Variants in CKAP4 observed in about 807,000 individuals in gnomAD.
CKAP4 encodes the protein cytoskeleton associated protein 4, also known as cytoskeleton-associated protein 4.
In CKAP4, 20 loss-of-function variants were observed where a neutral mutation model predicts 24.4. The observed-to-expected ratio is 0.82, with a 90% CI of 0.58 to 1.19. The LOEUF (loss-of-function observed/expected upper bound fraction) is 1.19. Among genes scored for constraint, CKAP4 ranks in the 50% most tolerant of loss-of-function variants. The pLI is 0.00. For synonymous variants in CKAP4, 378 were observed against 351.7 expected, an observed-to-expected ratio of 1.07 and a Z score of -0.84; for missense variants, 744 against 765.3, an observed-to-expected ratio of 0.97 and a Z score of 0.33.
intron 1 of CKAP4, among the ~76,000 whole-genome samples, chr12:106,241,363 C>T (rs1157609968): frequency 3.6e-5 from 5 of 139,116 alleles, no homozygotes; most frequent in Middle Eastern, 3.7e-3. Flanking sequence ...GACGGAGTCT[C>T]GCTCTGTCGC....
chr12:106,241,331 CTTTT>C (rs34135868), intron 1 of CKAP4, among the ~76,000 whole-genome samples: 1 of 127,518 alleles, frequency 7.8e-6, no homozygotes, highest in African/African-American at 3.0e-5. Context: ...GCCAGGGATT[CTTTT>C]TTTTTTTTTT....
In CKAP4 at chr12:106,247,104, G is replaced by A. The variant is rs2034018604; in HGVS notation, c.483+265C>T. The A allele has an allele frequency of 4.8e-6, 2 of 415,586 alleles. No homozygotes were observed. Among genetic ancestry groups the A allele is most frequent in the South Asian group, 3.8e-5 (1 of 26,066 alleles). The allele number at this position is 415,586 out of a possible 1,614,324, so 25.7% of individuals were successfully genotyped here. ...AGGCCCTTGGCCCACCCTGCCAGGC[G>A]GGCCTGGGCATCCTCGCGGCGGCCC... On this transcript the variant is annotated intron_variant, in intron 1 of 1. Coordinates refer to ENST00000378026, the MANE Select transcript of CKAP4 (RefSeq NM_006825.4). This position sits in a 1 kb window ranked among gnomAD's most constrained non-coding sequence, Gnocchi z 4.5.
chr12:106,240,402 T>C lies in CKAP4; in HGVS notation c.484-53A>G, dbSNP rs934550160. 3.9e-6 allele frequency: 6 copies of C among 1,545,700 alleles called. No homozygotes were observed. In the Admixed American group the frequency reaches 8.2e-5, roughly 21 times the overall value. On this transcript the variant is annotated intron_variant, in intron 1 of 1. Transcript: ENST00000378026. ...CTGAGAAGAGCTGATGAGTTTCACA[T>C]GATACAACTTTTTTTGTCTGCCCAG... is the stretch of plus-strand genomic sequence containing the variant.
chr12:106,244,349 A>C (rs2033990466), intron 1 of CKAP4, among the ~76,000 whole-genome samples: 1 of 152,248 alleles, frequency 6.6e-6, no homozygotes, highest in South Asian at 2.1e-4. Context: ...AGGGCTGATA[A>C]TAGTACTTAC....
chr12:106,238,564 T>C lies in CKAP4; in HGVS notation c.*460A>G, dbSNP rs1285766507. On this transcript the variant is annotated 3_prime_UTR_variant, in exon 2 of 2. Coordinates refer to ENST00000378026, the MANE Select transcript of CKAP4 (RefSeq NM_006825.4). The stretch of plus-strand genomic sequence containing the variant: ...TAACCGGTTCAAAGTGGAAGACAAG[T>C]GAGAGATATCTCATAAAAATTTCGG... The C allele has an allele frequency of 6.3e-6, 1 of 159,304 alleles. No homozygotes were observed. Among genetic ancestry groups the C allele is most frequent in the Non-Finnish European group, 1.4e-5 (1 of 72,762 alleles). The allele number at this position is 159,304 out of a possible 1,614,324, so 9.9% of individuals were successfully genotyped here. A position where few individuals can be genotyped will look rare whatever the true frequency, so the allele number is the denominator to read the frequency against.
At position 106,238,364 on chromosome 12, in the gene CKAP4, T is replaced by G. The variant is rs1191900722; in HGVS notation, c.*660A>C. The G allele has an allele frequency of 6.5e-6, 1 of 152,836 alleles. No individual in the cohort carries two copies. Among genetic ancestry groups the G allele is most frequent in the African/African-American group, 2.4e-5 (1 of 41,424 alleles). 9.5% of individuals were successfully genotyped at this position (152,836 alleles called of 1,614,324 possible). A position where few individuals can be genotyped will look rare whatever the true frequency, so the allele number is the denominator to read the frequency against. ...CCGGGACTCTGCTGGGTGTAGTGCT[T>G]CACATTCAGAACCGCCTGGATGCTT... is the stretch of plus-strand genomic sequence containing the variant. On this transcript the variant is annotated 3_prime_UTR_variant, in exon 2 of 2. Transcript: ENST00000378026.
intron 1 of CKAP4, among the ~76,000 whole-genome samples, chr12:106,244,425 C>T (rs928058022): frequency 8.5e-5 from 13 of 152,172 alleles, no homozygotes; most frequent in South Asian, 2.1e-4. Flanking sequence ...GTGCCTGGCA[C>T]GTAATAAGTG....
chr12:106,246,214 G>A (rs2034008882), intron 1 of CKAP4, among the ~76,000 whole-genome samples: 1 of 152,312 alleles, frequency 6.6e-6, no homozygotes, highest in South Asian at 2.1e-4. Flanking sequence ...CAGTGGCCTA[G>A]ACATTCTCGT....
Position 106,239,344 on chromosome 12 carries a change from G to A in CKAP4, c.1489C>T (p.Pro497Ser), listed in dbSNP as rs2136533546. 6.2e-7 allele frequency: 1 copy of A among 1,606,522 alleles called. No homozygotes were observed. The highest frequency in any genetic ancestry group is 1.1e-5 in the South Asian group (1 of 91,066). ...TTCTGGAGTGATTCCACGGTGCTGGGGAGCTCGCCCACACTCCTCTTCAGC... is the reference window on the plus strand; with the variant it reads ...TTCTGGAGTGATTCCACGGTGCTGGAGAGCTCGCCCACACTCCTCTTCAGC... ...EELKRSVGELPSTVESLQKVQ... is the reference protein window; with the variant it reads ...EELKRSVGELSSTVESLQKVQ... The change falls in exon 2 of 2, where the codon CCC becomes TCC. Residue 497 changes from proline to serine, a missense_variant. By Grantham distance (74) the Pro-to-Ser change is moderately conservative (BLOSUM62 -1). This residue lies in a region of CKAP4 where 401 missense variants were observed against 424.5 expected (regional missense o/e 0.94). Transcript: ENST00000378026. This position sits in a 1 kb window ranked among gnomAD's most constrained non-coding sequence, Gnocchi z 4.9.
At chr12:106,245,206 C>T (rs2033997552) in intron 1 of CKAP4, among the ~76,000 whole-genome samples, 1 of 152,070 alleles carries the variant, frequency 6.6e-6, no homozygotes, top group Non-Finnish European at 1.5e-5. Context: ...AGATGGCTGG[C>T]ACTACCCTGG....
rs780316212 is a variant in CKAP4 at position 106,247,690 on chromosome 12, G to A, written c.162C>T (p.His54=). ...PPPPAPHPQQ[H]PQQHPQNQAH... is the part of the protein sequence containing the mutation. Reference sequence around the variant, plus strand: ...CCTGGTTCTGCGGGTGCTGCTGCGGGTGCTGCTGCGGGTGCGGCGCGGGCG... The same window carrying A: ...CCTGGTTCTGCGGGTGCTGCTGCGGATGCTGCTGCGGGTGCGGCGCGGGCG... The change falls in exon 1 of 2, where the codon CAC becomes CAT. Residue 54 remains histidine (H), a synonymous_variant. Coordinates refer to ENST00000378026, the MANE Select transcript of CKAP4 (RefSeq NM_006825.4). This position sits in a 1 kb window ranked among gnomAD's most constrained non-coding sequence, Gnocchi z 4.5. The A allele has an allele frequency of 2.8e-6, 3 of 1,062,118 alleles. 1 individual carries two copies. Among genetic ancestry groups the A allele is most frequent in the South Asian group, 7.2e-5 (2 of 27,666 alleles). 65.8% of individuals were successfully genotyped at this position (1,062,118 alleles called of 1,614,324 possible).
At position 106,240,050 on chromosome 12, in the gene CKAP4, C is replaced by T. The variant is rs776989409; in HGVS notation, c.783G>A (p.Arg261=). Residue 261 remains arginine, a synonymous_variant, in exon 2 of 2, where the codon AGG becomes AGA. Coordinates refer to ENST00000378026, the MANE Select transcript of CKAP4 (RefSeq NM_006825.4). ...TCATGTCATTGATCTCCTTCTGGCT[C>T]CTCTTCTGGACTTCTGTGAAGATGG... ...NIAIFTEVQK[R]SQKEINDMKA... 3.1e-6 allele frequency: 5 copies of T among 1,614,184 alleles called. No homozygotes were observed. Among genetic ancestry groups the T allele is most frequent in the Non-Finnish European group, 4.2e-6 (5 of 1,180,042 alleles).
Position 106,239,611 on chromosome 12 carries a change from CCT to C in CKAP4, c.1220_1221del (p.Gln407ArgfsTer78). On this transcript the variant is annotated frameshift_variant, in exon 2 of 2. Coordinates refer to ENST00000378026, the MANE Select transcript of CKAP4 (RefSeq NM_006825.4). The surrounding 1 kb of genome is among the most constrained non-coding windows in gnomAD (Gnocchi z 4.9). ...ACGTGCTGGAGCCTGGAGTCCAGTC[CCT>C]GACTCTTTTGCTGGAGTGCCTCAAA... is the stretch of plus-strand genomic sequence containing the variant. ...EAFEALQQKS[Q>X]GLDSRLQHVE... 1 of 1,614,172 alleles carries C rather than the reference CCT, an allele frequency of 6.2e-7. No individual in the cohort carries two copies. Among genetic ancestry groups the C allele is most frequent in the Non-Finnish European group, 8.5e-7 (1 of 1,180,038 alleles).
At chr12:106,242,058 G>A (rs1285093856) in intron 1 of CKAP4, among the ~76,000 whole-genome samples, 3 of 152,198 alleles carry the variant, frequency 2.0e-5, no homozygotes, top group Non-Finnish European at 4.4e-5. Flanking sequence ...ACGGTCTCTG[G>A]AGCCAGACTG....
chr12:106,247,624 G>A lies in CKAP4; in HGVS notation c.228C>T (p.Gly76=), dbSNP rs1463020101. 2.1e-6 allele frequency: 2 copies of A among 972,220 alleles called. No homozygotes were observed. Among genetic ancestry groups the A allele is most frequent in the Non-Finnish European group, 2.6e-6 (2 of 772,880 alleles). The allele number at this position is 972,220 out of a possible 1,614,324, so 60.2% of individuals were successfully genotyped here. ...KGGHRGGGGG[G]GKSSSSSSAS... is the part of the protein sequence containing the mutation. ...CGGAGGAGGAGGAGGAGGACTTGCC[G>A]CCGCCGCCGCCGCCGCCGCGGTGGC... is the stretch of plus-strand genomic sequence containing the variant. Residue 76 remains glycine (G), a synonymous_variant, in exon 1 of 2, where the codon GGC becomes GGT. Transcript: ENST00000378026. The surrounding 1 kb of genome is among the most constrained non-coding windows in gnomAD (Gnocchi z 4.5).
intron 1 of CKAP4, among the ~76,000 whole-genome samples, chr12:106,243,396 G>A (rs906499875): frequency 4.6e-5 from 7 of 152,184 alleles, no homozygotes; most frequent in Admixed American, 3.3e-4. Flanking sequence ...AGTGCCCTGA[G>A]TACCTGGAAG....
At chr12:106,242,471 TC>T (rs2033977056) in intron 1 of CKAP4, among the ~76,000 whole-genome samples, 1 of 152,064 alleles carries the variant, frequency 6.6e-6, no homozygotes, top group Non-Finnish European at 1.5e-5. Flanking sequence ...ACTTTCCGAG[TC>T]CCAGGCTCCT....
In CKAP4 at chr12:106,239,054, CACAA is replaced by C; in HGVS notation, c.1775_1778del (p.Phe592Ter). 1 of 1,613,760 alleles carries C rather than the reference CACAA, an allele frequency of 6.2e-7. No individual in the cohort carries two copies. The highest frequency in any genetic ancestry group is 8.5e-7 in the Non-Finnish European group (1 of 1,179,742). ...CCTTTTCGTGAATCTTCTCCACTTT[CACAA>C]ACAACCTATCCAGATCATTCCTCAG... On this transcript the variant is annotated frameshift_variant, in exon 2 of 2. Transcript: ENST00000378026. The surrounding 1 kb of genome is among the most constrained non-coding windows in gnomAD (Gnocchi z 4.9).
rs992889269 is a variant in CKAP4 at position 106,247,329 on chromosome 12, C to T, written c.483+40G>A. The stretch of plus-strand genomic sequence containing the variant: ...GGAGCCCGGCCGTGGGTCCGGAGGC[C>T]GCAGTCGATGGGGACAGTTGCGGGG... On this transcript the variant is annotated intron_variant, in intron 1 of 1. Coordinates refer to ENST00000378026, the MANE Select transcript of CKAP4 (RefSeq NM_006825.4). This position sits in a 1 kb window ranked among gnomAD's most constrained non-coding sequence, Gnocchi z 4.5. 3 of 1,490,966 alleles carry T rather than the reference C, an allele frequency of 2.0e-6. No homozygotes were observed. The highest frequency in any genetic ancestry group is 2.7e-6 in the Non-Finnish European group (3 of 1,119,466). The allele number at this position is 1,490,966 out of a possible 1,614,324, so 92.4% of individuals were successfully genotyped here.
Sources: gnomAD v4.1 joint callset for allele counts (sites outside exome capture counted in the v4.1 genomes callset) on GRCh38, gnomAD v4.1.1 for gene constraint, gnomAD v4.1.1 regional missense constraint, Gnocchi (gnomAD v3.1) non-coding constraint, MANE v1.5 for transcripts, NCBI Gene and HGNC (gene_info 2026-07-23, HGNC 2026-07-21) for gene names.